Variants in GTF2F2 observed in about 807,000 individuals in gnomAD.
GTF2F2 encodes the protein general transcription factor IIF subunit 2.
In GTF2F2, 23 loss-of-function variants were observed where a neutral mutation model predicts 42.2. That is an observed-to-expected ratio of 0.55 (90% CI 0.39 to 0.77). GTF2F2 has a LOEUF of 0.77. GTF2F2 is among the 30% of genes least tolerant of loss of function. The pLI, the probability that GTF2F2 is intolerant of heterozygous loss-of-function variation, is 0.00. For missense variants in GTF2F2, 261 were observed against 287.2 expected (o/e 0.91, Z 0.66); for synonymous variants, 105 against 100.8 (o/e 1.04, Z -0.25).
chr13:45,155,106 C>A (rs79115038), intron 4 of GTF2F2, among the ~76,000 whole-genome samples: 2,823 of 152,226 alleles, frequency 0.019, 31 homozygotes, highest in Middle Eastern at 0.034. Context: ...TATGTGCGTT[C>A]TTTTCTATAG....
intron 7 of GTF2F2, among the ~76,000 whole-genome samples, chr13:45,272,436 A>AAAC (rs1341014238): frequency 0.016 from 2,234 of 143,160 alleles, 38 homozygotes; most frequent in African/African-American, 0.042. Flanking sequence ...AAAAAAAAAA[A>AAAC]AAAACAAAAA....
At chr13:45,167,394 C>CTCTTTT in intron 4 of GTF2F2, among the ~76,000 whole-genome samples, 1 of 108,808 alleles carries the variant, frequency 9.2e-6, no homozygotes, top group South Asian at 2.6e-4. Context: ...TTTCACCCAG[C>CTCTTTT]TATTTTTTTT....
chr13:45,248,717 C>A (rs533226237), intron 5 of GTF2F2, among the ~76,000 whole-genome samples: 23 of 152,180 alleles, frequency 1.5e-4, no homozygotes, highest in African/African-American at 5.5e-4. Context: ...CTCAGGTGAT[C>A]CACCTGTCTC....
At position 45,248,871 on chromosome 13, in the gene GTF2F2, A is replaced by C. The variant is rs148136389; in HGVS notation, c.387-4000A>C. On this transcript the variant is annotated intron_variant, in intron 5 of 7. Coordinates refer to ENST00000340473, the MANE Select transcript of GTF2F2 (RefSeq NM_004128.3). Reference sequence around the variant, plus strand: ...CCATTATTTTTCTATTTGTTTCCTGAAAACAACACTGTATTTTTAAATTTT... The same window carrying C: ...CCATTATTTTTCTATTTGTTTCCTGCAAACAACACTGTATTTTTAAATTTT... Among the ~76,000 whole-genome samples, 26 of 152,314 alleles carry C rather than the reference A, an allele frequency of 1.7e-4. No individual in the cohort carries two copies. The East Asian group carries it at 4.6e-3, about 27-fold the overall frequency.
chr13:45,177,322 G>A (rs1413999894), intron 4 of GTF2F2, among the ~76,000 whole-genome samples: 1 of 152,092 alleles, frequency 6.6e-6, no homozygotes, highest in African/African-American at 2.4e-5. Flanking sequence ...TTATACAGTT[G>A]CGTCCCCTTA....
intron 4 of GTF2F2, among the ~76,000 whole-genome samples, chr13:45,188,820 T>A (rs1025401932): frequency 5.9e-5 from 9 of 152,166 alleles, no homozygotes; most frequent in African/African-American, 2.2e-4. Context: ...AGTTAACCTA[T>A]TTTTCACCAA....
At chr13:45,183,091 G>T (rs1872241601) in intron 4 of GTF2F2, among the ~76,000 whole-genome samples, 1 of 152,114 alleles carries the variant, frequency 6.6e-6, no homozygotes, top group Admixed American at 6.5e-5. Context: ...CTGAGTTCCA[G>T]GATCTGGTCC....
chr13:45,139,789 T>C (rs74393576), intron 2 of GTF2F2, among the ~76,000 whole-genome samples: 5,331 of 152,286 alleles, frequency 0.035, 274 homozygotes, highest in African/African-American at 0.12. Flanking sequence ...TCTAGAACAA[T>C]GCTTGGCATA....
chr13:45,193,961 C>G (rs781127025), intron 4 of GTF2F2: 1 of 1,614,080 alleles, frequency 6.2e-7, no homozygotes, highest in Non-Finnish European at 8.5e-7. Context: ...GTGCCATTTT[C>G]AGACTTTATG....
chr13:45,253,122 G>T, intron 6 of GTF2F2, 152 bp downstream of exon 6: 1 of 449,030 alleles, frequency 2.2e-6, no homozygotes, highest in Middle Eastern at 5.6e-4. Context: ...TAAGGAATAT[G>T]ACAATTTGCT....
At chr13:45,157,948 T>C (rs1359276024) in intron 4 of GTF2F2, among the ~76,000 whole-genome samples, 2 of 152,258 alleles carry the variant, frequency 1.3e-5, no homozygotes, top group African/African-American at 4.8e-5. Context: ...TCCATTTCCT[T>C]TTTCTCTATA....
chr13:45,273,708 G>C (rs2138271749), intron 7 of GTF2F2, among the ~76,000 whole-genome samples: 1 of 142,878 alleles, frequency 7.0e-6, no homozygotes, highest in East Asian at 2.0e-4. Flanking sequence ...AGGCTGGAGT[G>C]CAATGGCGCG....
chr13:45,123,295 G>A (rs898234684), intron 1 of GTF2F2: 1 of 152,174 alleles, frequency 6.6e-6, no homozygotes, highest in African/African-American at 2.4e-5. Flanking sequence ...ATGTATGGTT[G>A]TACTCCCCTG....
At chr13:45,191,078 A>T (rs1872597625) in intron 4 of GTF2F2, among the ~76,000 whole-genome samples, 1 of 151,334 alleles carries the variant, frequency 6.6e-6, no homozygotes, top group South Asian at 2.1e-4. Context: ...TTTTAAAAAT[A>T]TAGTAAAAGC....
chr13:45,266,921 G>A (rs1876585210), intron 6 of GTF2F2, among the ~76,000 whole-genome samples: 1 of 152,192 alleles, frequency 6.6e-6, no homozygotes, highest in Admixed American at 6.5e-5. Flanking sequence ...GCTGAGGCAG[G>A]TGGATCACCT....
intron 2 of GTF2F2, among the ~76,000 whole-genome samples, chr13:45,139,551 C>T (rs1869815250): frequency 6.6e-6 from 1 of 152,174 alleles, no homozygotes; most frequent in South Asian, 2.1e-4. Flanking sequence ...TTCACAATTT[C>T]AGCTCATTGA....
At chr13:45,178,956 A>G (rs1296269643) in intron 4 of GTF2F2, among the ~76,000 whole-genome samples, 3 of 152,144 alleles carry the variant, frequency 2.0e-5, no homozygotes, top group Non-Finnish European at 4.4e-5. Context: ...GGGTTGGGGT[A>G]CCTTTGCTCT....
intron 6 of GTF2F2, among the ~76,000 whole-genome samples, chr13:45,266,015 A>T (rs1876546535): frequency 6.6e-6 from 1 of 152,246 alleles, no homozygotes; most frequent in Non-Finnish European, 1.5e-5. Flanking sequence ...TAAGTAATAG[A>T]ACAGAACTTG....
intron 4 of GTF2F2, among the ~76,000 whole-genome samples, chr13:45,162,808 A>G (rs1373236056): frequency 1.3e-5 from 2 of 152,226 alleles, no homozygotes; most frequent in Non-Finnish European, 2.9e-5. Context: ...AAATATTTCA[A>G]ACCTACAGAA....
Sources: gnomAD v4.1 joint callset for allele counts (sites outside exome capture counted in the v4.1 genomes callset) on GRCh38, gnomAD v4.1.1 for gene constraint, MANE v1.5 for transcripts, NCBI Gene and HGNC (gene_info 2026-07-23, HGNC 2026-07-21) for gene names.